TRA2B: variants seen among roughly 807,000 people sequenced by gnomAD.
TRA2B encodes the protein transformer 2 beta homolog, also known as transformer-2 protein homolog beta.
TRA2B carries 14 observed loss-of-function variants against 41.7 expected under a neutral mutation model. The observed-to-expected ratio is 0.34, with a 90% CI of 0.22 to 0.53. The LOEUF (loss-of-function observed/expected upper bound fraction) is 0.53. TRA2B is among the 20% of genes least tolerant of loss of function. The pLI, the probability that TRA2B is intolerant of heterozygous loss-of-function variation, is 0.95. For synonymous variants in TRA2B, 130 were observed against 128.8 expected (o/e 1.01, Z -0.06); for missense variants, 167 against 396.8 (o/e 0.42, Z 4.92).
intron 1 of TRA2B, among the ~76,000 whole-genome samples, chr3:185,932,871 T>TA (rs927024867): frequency 2.0e-5 from 3 of 152,158 alleles, no homozygotes; most frequent in Non-Finnish European, 2.9e-5. Flanking sequence ...AGGCTTTGTT[T>TA]AAAAAAATTG....
chr3:185,916,336 A>C lies in TRA2B; in HGVS notation c.*1379T>G, dbSNP rs919214079. The C allele has an allele frequency of 6.6e-6, 1 of 152,224 alleles. No homozygotes were observed. Among genetic ancestry groups the C allele is most frequent in the Non-Finnish European group, 1.5e-5 (1 of 68,036 alleles). 9.4% of individuals were successfully genotyped at this position (152,224 alleles called of 1,614,324 possible). On this transcript the variant is annotated 3_prime_UTR_variant, in exon 9 of 9. Coordinates refer to ENST00000453386, the MANE Select transcript of TRA2B (RefSeq NM_004593.3). ...TTTGAACTAAGGTAAGTTACTCTAC[A>C]TCATTTCATTGCTAAAGATTATATG...
At chr3:185,922,807 T>C (rs1743792010) in intron 4 of TRA2B, 1 of 152,234 alleles carries the variant, frequency 6.6e-6, no homozygotes, top group African/African-American at 2.4e-5. Context: ...AGTTTGTTCA[T>C]AATTTGAGGA....
Position 185,915,111 on chromosome 3 carries a change from G to T in TRA2B, c.*2604C>A, listed in dbSNP as rs1020729123. 6.6e-6 allele frequency among the ~76,000 whole-genome samples: 1 copy of T among 152,176 alleles called. No individual in the cohort carries two copies. The highest frequency in any genetic ancestry group is 1.5e-5 in the Non-Finnish European group (1 of 68,034). On this transcript the variant is annotated 3_prime_UTR_variant, in exon 9 of 9. Coordinates refer to ENST00000453386, the MANE Select transcript of TRA2B (RefSeq NM_004593.3). The stretch of plus-strand genomic sequence containing the variant: ...CCTGCTATGAAAATCTGCTGTTGCT[G>T]ATCTGACAGGCGGCGGAGCTCAGGC...
intron 1 of TRA2B, chr3:185,935,398 C>A (rs1445923701): frequency 1.0e-6 from 1 of 985,246 alleles, no homozygotes. Flanking sequence ...CACACCAGTT[C>A]TTTAAATGTC....
chr3:185,932,738 A>C (rs1744197162), intron 1 of TRA2B, among the ~76,000 whole-genome samples: 1 of 152,194 alleles, frequency 6.6e-6, no homozygotes. Flanking sequence ...ATACTAAACA[A>C]AATAAAATAC....
At chr3:185,934,710 G>A (rs1328036749) in intron 1 of TRA2B, 2 of 985,056 alleles carry the variant, frequency 2.0e-6, no homozygotes, top group South Asian at 4.7e-5. Flanking sequence ...GAGTTTAGGA[G>A]CTAAAACCAA....
chr3:185,933,179 C>A (rs1020158646), intron 1 of TRA2B, among the ~76,000 whole-genome samples: 1 of 152,244 alleles, frequency 6.6e-6, no homozygotes, highest in Middle Eastern at 3.4e-3. Flanking sequence ...ACAGACAGGG[C>A]ACTTAGATGC....
In TRA2B at chr3:185,934,457, G is replaced by C. The variant is rs145786136; in HGVS notation, c.36+3368C>G. 1,656 of 985,354 alleles carry C rather than the reference G, an allele frequency of 1.7e-3. 3 individuals are homozygous for C. Among genetic ancestry groups the C allele is most frequent in the Non-Finnish European group, 1.9e-3 (1,563 of 829,910 alleles). 61.0% of individuals were successfully genotyped at this position (985,354 alleles called of 1,614,324 possible). ...ATAAAATCACCTGTAATGTCAGCTT[G>C]AAAATGTCACGTTCTAGTTCCAGAC... On this transcript the variant is annotated intron_variant, in intron 1 of 8. Coordinates refer to ENST00000453386, the MANE Select transcript of TRA2B (RefSeq NM_004593.3).
chr3:185,926,673 G>T lies in TRA2B; in HGVS notation c.98C>A (p.Thr33Asn). The T allele has an allele frequency of 6.2e-7, 1 of 1,614,134 alleles. No homozygotes were observed. Among genetic ancestry groups the T allele is most frequent in the Non-Finnish European group, 8.5e-7 (1 of 1,180,006 alleles). ...AHGSGKSARHTPARSRSKEDS... is the reference protein window; with the variant it reads ...AHGSGKSARHNPARSRSKEDS... ...TTCCTTGGAGCGAGACCTTGCAGGGGTATGCCTTGCAGATTTCCCCGATCC... is the reference window on the plus strand; with the variant it reads ...TTCCTTGGAGCGAGACCTTGCAGGGTTATGCCTTGCAGATTTCCCCGATCC... Residue 33 changes from threonine to asparagine, a missense_variant, in exon 2 of 9, where the codon ACC becomes AAC. Thr to Asn is a moderately conservative substitution (Grantham distance 65). Around this residue, in one of 5 missense-constraint regions of TRA2B, gnomAD observed 94 missense variants for 133.4 expected, o/e 0.70. Transcript: ENST00000453386.
intron 1 of TRA2B, chr3:185,931,473 C>T: frequency 1.2e-6 from 1 of 847,470 alleles, no homozygotes; most frequent in Non-Finnish European, 1.4e-6. Context: ...AACGTTTCCC[C>T]TGGAAGGCAC....
intron 4 of TRA2B, 120 bp downstream of exon 4, chr3:185,923,676 T>A: frequency 1.1e-6 from 1 of 915,218 alleles, no homozygotes. Context: ...CCACAAGAGG[T>A]TGGAGAAAAA....
At chr3:185,937,606 C>T (rs1744416315) in intron 1 of TRA2B, among the ~76,000 whole-genome samples, 1 of 152,230 alleles carries the variant, frequency 6.6e-6, no homozygotes, top group South Asian at 2.1e-4. Context: ...GCAGAAGCCA[C>T]ATAAACCCGC....
At chr3:185,920,071 CTTTATT>C (rs1743658390) in intron 6 of TRA2B, among the ~76,000 whole-genome samples, 1 of 152,142 alleles carries the variant, frequency 6.6e-6, no homozygotes, top group African/African-American at 2.4e-5. Context: ...TCAAAGATAT[CTTTATT>C]TTTAAACTAT....
At chr3:185,935,132 G>C (rs1744298816) in intron 1 of TRA2B, 2 of 985,412 alleles carry the variant, frequency 2.0e-6, no homozygotes, top group South Asian at 4.7e-5. Context: ...TCAACTTCTT[G>C]TAATTGTGAC....
chr3:185,930,966 G>A (rs1017045885), intron 1 of TRA2B, among the ~76,000 whole-genome samples: 1 of 152,158 alleles, frequency 6.6e-6, no homozygotes, highest in Non-Finnish European at 1.5e-5. Context: ...GCATTAAACA[G>A]AAACAGAATT....
intron 8 of TRA2B, 35 bp downstream of exon 8, chr3:185,918,330 A>G (rs1383729277): frequency 3.3e-6 from 5 of 1,496,546 alleles, no homozygotes; most frequent in Admixed American, 3.4e-5. Context: ...AAGCCATACT[A>G]CAATATAAAC....
chr3:185,936,871 G>A (rs1744380738), intron 1 of TRA2B: 1 of 985,340 alleles, frequency 1.0e-6, no homozygotes, highest in Non-Finnish European at 1.2e-6. Context: ...CCCTAGAACT[G>A]TCTTGTTCCC....
intron 1 of TRA2B, 167 bp from the exon 2 acceptor site, chr3:185,926,901 C>A: frequency 1.3e-6 from 1 of 752,634 alleles, no homozygotes; most frequent in Non-Finnish European, 2.0e-6. Context: ...TTCATTGCTC[C>A]AAATGACATA....
chr3:185,925,715 G>A, intron 2 of TRA2B, 89 bp from the exon 3 acceptor site: 2 of 1,340,520 alleles, frequency 1.5e-6, no homozygotes, highest in Non-Finnish European at 2.0e-6. Flanking sequence ...CCAAAAGAGG[G>A]AACAATCCAG....
Sources: gnomAD v4.1 joint callset for allele counts (sites outside exome capture counted in the v4.1 genomes callset) on GRCh38, gnomAD v4.1.1 for gene constraint, gnomAD v4.1.1 regional missense constraint, MANE v1.5 for transcripts, NCBI Gene and HGNC (gene_info 2026-07-23, HGNC 2026-07-21) for gene names.